Variants in DFFB observed in about 807,000 individuals in gnomAD.
DFFB encodes the protein DNA fragmentation factor subunit beta.
DFFB carries 29 observed loss-of-function variants against 32.7 expected under a neutral mutation model. The ratio of observed to expected loss-of-function variants is 0.89; its 90% CI spans 0.66 to 1.21. DFFB has a LOEUF of 1.21. Ranked by LOEUF, DFFB falls within the 50% of genes most tolerant of loss-of-function variation. The probability of loss-of-function intolerance (pLI) is 0.00; values close to 1 mark genes in which losing one functional copy is unlikely to be tolerated. For synonymous variants in DFFB, 170 were observed against 177.1 expected (o/e 0.96, Z 0.32); for missense variants, 398 against 440.6 (o/e 0.90, Z 0.87).
chr1:3,872,708 G>A, intron 6 of DFFB, 136 bp downstream of exon 6: 4 of 804,940 alleles, frequency 5.0e-6, no homozygotes, highest in Non-Finnish European at 7.9e-6. Context: ...GGTTTCAAGG[G>A]CTGCACCCGT....
intron 6 of DFFB, among the ~76,000 whole-genome samples, chr1:3,882,593 G>C (rs1258349538): frequency 6.6e-6 from 1 of 152,128 alleles, no homozygotes; most frequent in Non-Finnish European, 1.5e-5. Context: ...TTGAACTCCT[G>C]ACCTCAGGTG....
rs74048345 is a variant in DFFB, at chr1:3,878,475, G to A, written c.783-5032G>A. On this transcript the variant is annotated intron_variant, in intron 6 of 6. Transcript: ENST00000378209. Reference sequence around the variant, plus strand: ...CCCACTCAGTGAACCTCTGTTGACCGTTTTGTTGAGTGAATACAGATTGGA... The same window carrying A: ...CCCACTCAGTGAACCTCTGTTGACCATTTTGTTGAGTGAATACAGATTGGA... 6.4e-3 allele frequency among the ~76,000 whole-genome samples: 968 copies of A among 152,312 alleles called. 11 individuals are homozygous for A. Among genetic ancestry groups the A allele is most frequent in the African/African-American group, 0.018 (744 of 41,566 alleles).
chr1:3,857,597 A>G lies in DFFB; in HGVS notation c.-7A>G, dbSNP rs772011544. 1.9e-6 allele frequency: 3 copies of G among 1,576,604 alleles called. No individual in the cohort carries two copies. Among genetic ancestry groups the G allele is most frequent in the Non-Finnish European group, 2.6e-6 (3 of 1,161,972 alleles). Reference sequence around the variant, plus strand: ...TGTGGGACCCAGAGGGCTTGAGGACATCTGCAATGCTCCAGAAGCCCAAGA... The same window carrying G: ...TGTGGGACCCAGAGGGCTTGAGGACGTCTGCAATGCTCCAGAAGCCCAAGA... On this transcript the variant is annotated 5_prime_UTR_variant, in exon 1 of 7. Transcript: ENST00000378209.
chr1:3,872,773 C>T (rs528304430), intron 6 of DFFB, among the ~76,000 whole-genome samples: 1 of 152,154 alleles, frequency 6.6e-6, no homozygotes, highest in East Asian at 1.9e-4. Context: ...GCTGAGTGGG[C>T]ACACACCATT....
chr1:3,868,718 C>CACCAGGCCACACTACACCAG (rs1439493586), intron 4 of DFFB, among the ~76,000 whole-genome samples: 1 of 138,160 alleles, frequency 7.2e-6, no homozygotes, highest in Non-Finnish European at 1.5e-5. Flanking sequence ...GGCCACACCA[C>CACCAGGCCACACTACACCAG]GTCATTCCAC....
chr1:3,880,848 C>T (rs1218937667), intron 6 of DFFB, among the ~76,000 whole-genome samples: 1 of 152,160 alleles, frequency 6.6e-6, no homozygotes, highest in African/African-American at 2.4e-5. Flanking sequence ...TTCGTGGGTT[C>T]GGATTTGATT....
At chr1:3,883,446 A>G (rs1418322570) in intron 6 of DFFB, 61 bp from the exon 7 acceptor site, 8 of 1,489,480 alleles carry the variant, frequency 5.4e-6, no homozygotes, top group Admixed American at 1.7e-5. Flanking sequence ...ATACACTGCT[A>G]TGACCTGTTG....
At chr1:3,873,582 C>A (rs1017951249) in intron 6 of DFFB, among the ~76,000 whole-genome samples, 4 of 151,542 alleles carry the variant, frequency 2.6e-5, no homozygotes, top group African/African-American at 7.3e-5. Flanking sequence ...CGGGTTCAAG[C>A]GATTCTCCTA....
intron 2 of DFFB, among the ~76,000 whole-genome samples, chr1:3,864,015 G>A (rs899284764): frequency 6.6e-6 from 1 of 152,082 alleles, no homozygotes; most frequent in African/African-American, 2.4e-5. Context: ...TCCCCAGGCT[G>A]GAGTACAGTG....
chr1:3,874,085 G>A (rs1020555351), intron 6 of DFFB, among the ~76,000 whole-genome samples: 20 of 152,242 alleles, frequency 1.3e-4, no homozygotes, highest in Admixed American at 1.2e-3. Flanking sequence ...AGTTTATCAT[G>A]TACATACATG....
chr1:3,872,031 C>T (rs116218625), intron 5 of DFFB, among the ~76,000 whole-genome samples: 9 of 152,278 alleles, frequency 5.9e-5, no homozygotes, highest in South Asian at 2.1e-4. Flanking sequence ...CACCAGGCCC[C>T]GCCTCCCACA....
intron 2 of DFFB, among the ~76,000 whole-genome samples, chr1:3,859,384 C>A (rs962911312): frequency 2.6e-5 from 4 of 152,176 alleles, no homozygotes; most frequent in African/African-American, 9.6e-5. Context: ...AAAGTCCTGC[C>A]TTTCAGAACC....
At position 3,872,336 on chromosome 1, in the gene DFFB, A is replaced by T. The variant is rs529117462; in HGVS notation, c.682-136A>T. The T allele has an allele frequency of 8.0e-6, 5 of 624,418 alleles. No individual in the cohort carries two copies. In the African/African-American group the frequency reaches 9.3e-5, roughly 12 times the overall value. The allele number at this position is 624,418 out of a possible 1,614,324, so 38.7% of individuals were successfully genotyped here. A position where few individuals can be genotyped will look rare whatever the true frequency, so the allele number is the denominator to read the frequency against. The stretch of plus-strand genomic sequence containing the variant: ...GCTGAGGCAGGAGAATCGCTTCAAC[A>T]CGGGAGGCGGAGGTTGTAGTAAGCC... On this transcript the variant is annotated intron_variant, in intron 5 of 6. Transcript: ENST00000378209.
In DFFB at chr1:3,857,562, T is replaced by C. The variant is rs754398581; in HGVS notation, c.-42T>C. The C allele has an allele frequency of 7.0e-7, 1 of 1,433,742 alleles. No homozygotes were observed. Among genetic ancestry groups the C allele is most frequent in the Non-Finnish European group, 9.4e-7 (1 of 1,066,568 alleles). 88.8% of individuals were successfully genotyped at this position (1,433,742 alleles called of 1,614,324 possible). A position where few individuals can be genotyped will look rare whatever the true frequency, so the allele number is the denominator to read the frequency against. Reference sequence around the variant, plus strand: ...CGGATCTGAGCAGCTGGGCAGCAGGTGCCACCGCCTGTGGGACCCAGAGGG... The same window carrying C: ...CGGATCTGAGCAGCTGGGCAGCAGGCGCCACCGCCTGTGGGACCCAGAGGG... On this transcript the variant is annotated 5_prime_UTR_variant, in exon 1 of 7. Transcript: ENST00000378209.
intron 2 of DFFB, among the ~76,000 whole-genome samples, chr1:3,862,559 C>T (rs976065629): frequency 5.3e-5 from 8 of 152,210 alleles, no homozygotes; most frequent in African/African-American, 1.9e-4. Flanking sequence ...ATCTATGTAT[C>T]TGTGGTCAGG....
At chr1:3,860,336 G>A (rs1369207101) in intron 2 of DFFB, 6 of 314,594 alleles carry the variant, frequency 1.9e-5, no homozygotes, top group African/African-American at 4.3e-5. Context: ...AAGTGATCCC[G>A]TTGCCTCAGC....
chr1:3,865,939 G>A lies in DFFB; in HGVS notation c.369G>A (p.Leu123=). 1 of 1,607,508 alleles carries A rather than the reference G, an allele frequency of 6.2e-7. No individual in the cohort carries two copies. Among genetic ancestry groups the A allele is most frequent in the Admixed American group, 1.7e-5 (1 of 59,746 alleles). Reference sequence around the variant, plus strand: ...GGCAGAGGCTGCTGGCTGACCTCCTGCACAACGTCAGCCAGAACATCGCGG... The same window carrying A: ...GGCAGAGGCTGCTGGCTGACCTCCTACACAACGTCAGCCAGAACATCGCGG... The part of the protein sequence containing the change: ...PQRQRLLADL[L]HNVSQNIAAE... Residue 123 remains leucine (L), a synonymous_variant, in exon 3 of 7, where the codon CTG becomes CTA. Coordinates refer to ENST00000378209, the MANE Select transcript of DFFB (RefSeq NM_004402.4). The surrounding 1 kb of genome is among the most constrained non-coding windows in gnomAD (Gnocchi z 4.7).
At chr1:3,882,759 C>G (rs1434649015) in intron 6 of DFFB, among the ~76,000 whole-genome samples, 1 of 152,174 alleles carries the variant, frequency 6.6e-6, no homozygotes, top group African/African-American at 2.4e-5. Flanking sequence ...GTGATTACCT[C>G]TGAGGGGAAG....
chr1:3,866,942 C>G (rs930479966), intron 3 of DFFB, among the ~76,000 whole-genome samples: 1 of 152,214 alleles, frequency 6.6e-6, no homozygotes, highest in Non-Finnish European at 1.5e-5. Context: ...GTTGCCCAGG[C>G]TGGAGTGCAG....
Sources: gnomAD v4.1 joint callset for allele counts (sites outside exome capture counted in the v4.1 genomes callset) on GRCh38, gnomAD v4.1.1 for gene constraint, Gnocchi (gnomAD v3.1) non-coding constraint, MANE v1.5 for transcripts, NCBI Gene and HGNC (gene_info 2026-07-23, HGNC 2026-07-21) for gene names.